PANK2: variants seen among roughly 807,000 people sequenced by gnomAD.
PANK2 encodes the protein pantothenate kinase 2, also known as pantothenate kinase 2, mitochondrial.
Under a neutral mutation model 43.1 loss-of-function variants are expected in PANK2, and 36 were observed. The observed-to-expected ratio is 0.84, with a 90% CI of 0.64 to 1.10. The LOEUF is 1.10. Among genes scored for constraint, PANK2 ranks in the 50% least tolerant of loss-of-function variants. The probability of loss-of-function intolerance (pLI) is 0.00; values close to 1 mark genes in which losing one functional copy is unlikely to be tolerated. For synonymous variants in PANK2, 281 were observed against 238.2 expected (o/e 1.18, Z -1.66); for missense variants, 576 against 593.3 (o/e 0.97, Z 0.30).
chr20:3,921,092 G>C (rs1008543093), intron 6 of PANK2, among the ~76,000 whole-genome samples: 4 of 152,072 alleles, frequency 2.6e-5, no homozygotes, highest in Non-Finnish European at 5.9e-5. Context: ...GGATACATGT[G>C]CACAACGCGC....
At chr20:3,907,192 C>T (rs2090401903) in intron 1 of PANK2, among the ~76,000 whole-genome samples, 1 of 151,194 alleles carries the variant, frequency 6.6e-6, no homozygotes, top group Admixed American at 6.6e-5. Flanking sequence ...CAGTCTCCAC[C>T]TCCCAGGTTG....
At position 3,923,420 on chromosome 20, in the gene PANK2, T is replaced by A. The variant is rs2090677706; in HGVS notation, c.*126T>A. Reference sequence around the variant, plus strand: ...ACAAAGTGAGAAAGGACAGGTGTATTTTTCTAAGTCATCAAGATAAATCCT... The same window carrying A: ...ACAAAGTGAGAAAGGACAGGTGTATATTTCTAAGTCATCAAGATAAATCCT... On this transcript the variant is annotated 3_prime_UTR_variant, in exon 7 of 7. Coordinates refer to ENST00000610179, the MANE Select transcript of PANK2 (RefSeq NM_001386393.1). 9.8e-7 allele frequency: 1 copy of A among 1,015,834 alleles called. No individual in the cohort carries two copies. The highest frequency in any genetic ancestry group is 1.5e-6 in the Non-Finnish European group (1 of 655,168). 62.9% of individuals were successfully genotyped at this position (1,015,834 alleles called of 1,614,324 possible). A position where few individuals can be genotyped will look rare whatever the true frequency, so the allele number is the denominator to read the frequency against.
chr20:3,923,241 C>G lies in PANK2; in HGVS notation c.1333-3C>G. 6.2e-7 allele frequency: 1 copy of G among 1,614,042 alleles called. No homozygotes were observed. The highest frequency in any genetic ancestry group is 8.5e-7 in the Non-Finnish European group (1 of 1,179,978). ...CACTTATTTTTGGTGTATTTTCTTT[C>G]AGGGTTATTTTGGAGCTGTTGGAGC... is the stretch of plus-strand genomic sequence containing the variant. On this transcript the variant is annotated splice_region_variant and splice_polypyrimidine_tract_variant and intron_variant, in intron 6 of 6. Coordinates refer to ENST00000610179, the MANE Select transcript of PANK2 (RefSeq NM_001386393.1).
chr20:3,913,849 C>T (rs930192839), intron 4 of PANK2, among the ~76,000 whole-genome samples: 7 of 147,178 alleles, frequency 4.8e-5, no homozygotes, highest in Non-Finnish European at 1.0e-4. Flanking sequence ...AGTGCAGTGG[C>T]GTGATCTCGG....
At chr20:3,897,966 G>A (rs781171149) in intron 1 of PANK2, among the ~76,000 whole-genome samples, 9 of 151,966 alleles carry the variant, frequency 5.9e-5, no homozygotes, top group Non-Finnish European at 1.2e-4. Flanking sequence ...GAGGTCTGTC[G>A]CTGCACTCCA....
At chr20:3,896,085 G>A (rs1480867734) in intron 1 of PANK2, among the ~76,000 whole-genome samples, 3 of 150,130 alleles carry the variant, frequency 2.0e-5, no homozygotes, top group South Asian at 2.1e-4. Flanking sequence ...TTTTTGAGAC[G>A]GAGTCTTGCT....
intron 1 of PANK2, among the ~76,000 whole-genome samples, chr20:3,898,121 GC>G (rs2090239966): frequency 6.6e-6 from 1 of 152,108 alleles, no homozygotes; most frequent in Non-Finnish European, 1.5e-5. Context: ...TAATGTAAAA[GC>G]CATTGCTGCA....
chr20:3,889,061 G>A (rs565594744), upstream of PANK2: 6 of 1,478,860 alleles, frequency 4.1e-6, no homozygotes, highest in Non-Finnish European at 5.4e-6. Flanking sequence ...GCCCGGGGGG[G>A]CAGAGGCATG....
intron 1 of PANK2, among the ~76,000 whole-genome samples, chr20:3,892,961 G>A (rs577467122): frequency 2.6e-5 from 4 of 152,188 alleles, no homozygotes; most frequent in Admixed American, 6.5e-5. Context: ...GGTATGTCTC[G>A]CAGGGCTGAA....
chr20:3,910,751 C>T lies in PANK2; in HGVS notation c.826C>T (p.Leu276Phe). 2.5e-6 allele frequency: 4 copies of T among 1,614,158 alleles called. No individual in the cohort carries two copies. Among genetic ancestry groups the T allele is most frequent in the Non-Finnish European group, 3.4e-6 (4 of 1,180,012 alleles). ...TGATTTGAAAAATCCGTATCCTCTG[C>T]TTCTGGTGAACATTGGCTCAGGGGT... Residue 276 changes from leucine to phenylalanine, a missense_variant, in exon 3 of 7, where the codon CTT becomes TTT. Around this residue, in one of 2 missense-constraint regions of PANK2, gnomAD observed 544 missense variants for 528.9 expected, o/e 1.03. Coordinates refer to ENST00000610179, the MANE Select transcript of PANK2 (RefSeq NM_001386393.1).
Position 3,889,587 on chromosome 20 carries a change from C to T in PANK2, c.157C>T (p.Leu53=), listed in dbSNP as rs780089247. The change falls in exon 1 of 7, where the codon CTG becomes TTG. Residue 53 remains leucine (L), a synonymous_variant. Coordinates refer to ENST00000610179, the MANE Select transcript of PANK2 (RefSeq NM_001386393.1). ...CCCCGAAGGGCGGCGGCAGGAGCCA[C>T]TGCGGCGCCGGGCGAGCAGCGCGTC... 8 of 1,497,826 alleles carry T rather than the reference C, an allele frequency of 5.3e-6. No homozygotes were observed. The Admixed American group carries it at 1.1e-4, about 20-fold the overall frequency. The allele number at this position is 1,497,826 out of a possible 1,614,324, so 92.8% of individuals were successfully genotyped here. A position where few individuals can be genotyped will look rare whatever the true frequency, so the allele number is the denominator to read the frequency against.
rs1299368711 is a variant in PANK2, at chr20:3,928,359, G to A, written c.*5065G>A. ...GAGGTGGGTGTGGACAGAGGCACTG[G>A]GCAGCTGCTGGGAAGCGAGGCACAA... On this transcript the variant is annotated 3_prime_UTR_variant, in exon 7 of 7. Transcript: ENST00000610179. 6.6e-6 allele frequency: 1 copy of A among 152,202 alleles called. No individual in the cohort carries two copies. The highest frequency in any genetic ancestry group is 6.6e-5 in the Admixed American group (1 of 15,266). The allele number at this position is 152,202 out of a possible 1,614,324, so 9.4% of individuals were successfully genotyped here. A position where few individuals can be genotyped will look rare whatever the true frequency, so the allele number is the denominator to read the frequency against.
chr20:3,908,413 C>A, intron 2 of PANK2, 135 bp downstream of exon 2: 3 of 898,996 alleles, frequency 3.3e-6, no homozygotes, highest in Non-Finnish European at 5.1e-6. Context: ...TAAAGGTACG[C>A]TAGTGATAGG....
chr20:3,889,808 CG>C (rs1185017922), intron 1 of PANK2, 80 bp downstream of exon 1: 5 of 1,542,922 alleles, frequency 3.2e-6, no homozygotes, highest in Admixed American at 1.9e-5. Flanking sequence ...GCCCCGCCGC[CG>C]TTTTTCCCGC....
Position 3,889,825 on chromosome 20 carries a change from G to A in PANK2, c.298+97G>A, listed in dbSNP as rs753691890. On this transcript the variant is annotated intron_variant, in intron 1 of 6. Coordinates refer to ENST00000610179, the MANE Select transcript of PANK2 (RefSeq NM_001386393.1). The stretch of plus-strand genomic sequence containing the variant: ...CCCGCCGCCGTTTTTCCCGCGCGCG[G>A]ACACTGTCCCCGCACGGTGGTCCCT... 2.0e-6 allele frequency: 3 copies of A among 1,538,134 alleles called. No homozygotes were observed. In the South Asian group the frequency reaches 3.6e-5, roughly 18 times the overall value.
Position 3,923,418 on chromosome 20 carries a change from A to G in PANK2, c.*124A>G. Reference sequence around the variant, plus strand: ...AAACAAAGTGAGAAAGGACAGGTGTATTTTTCTAAGTCATCAAGATAAATC... The same window carrying G: ...AAACAAAGTGAGAAAGGACAGGTGTGTTTTTCTAAGTCATCAAGATAAATC... On this transcript the variant is annotated 3_prime_UTR_variant, in exon 7 of 7. Coordinates refer to ENST00000610179, the MANE Select transcript of PANK2 (RefSeq NM_001386393.1). 1.9e-6 allele frequency: 2 copies of G among 1,038,518 alleles called. No individual in the cohort carries two copies. Among genetic ancestry groups the G allele is most frequent in the Admixed American group, 2.0e-5 (1 of 50,226 alleles). The allele number at this position is 1,038,518 out of a possible 1,614,324, so 64.3% of individuals were successfully genotyped here.
At chr20:3,916,615 G>C (rs751252777) in intron 4 of PANK2, among the ~76,000 whole-genome samples, 3 of 152,212 alleles carry the variant, frequency 2.0e-5, no homozygotes, top group Non-Finnish European at 4.4e-5. Flanking sequence ...TCCTGGAACT[G>C]TCTGGTTGCA....
chr20:3,919,562 T>C (rs919403174), intron 6 of PANK2, among the ~76,000 whole-genome samples: 1 of 152,182 alleles, frequency 6.6e-6, no homozygotes, highest in East Asian at 1.9e-4. Flanking sequence ...TTAAGTACAA[T>C]TGTAGACAGG....
At chr20:3,901,385 A>G (rs1483204232) in intron 1 of PANK2, among the ~76,000 whole-genome samples, 1 of 150,802 alleles carries the variant, frequency 6.6e-6, no homozygotes, top group South Asian at 2.1e-4. Flanking sequence ...TTTCTTGTCA[A>G]TCAGCTTTTT....
Sources: gnomAD v4.1 joint callset for allele counts (sites outside exome capture counted in the v4.1 genomes callset) on GRCh38, gnomAD v4.1.1 for gene constraint, gnomAD v4.1.1 regional missense constraint, MANE v1.5 for transcripts, NCBI Gene and HGNC (gene_info 2026-07-23, HGNC 2026-07-21) for gene names.